The following TMEM120B variants were observed in gnomAD, a reference collection of about 807,000 sequenced individuals.
The protein encoded by TMEM120B is transmembrane protein 120B.
Under a neutral mutation model 55.5 loss-of-function variants are expected in TMEM120B, and 31 were observed. That is an observed-to-expected ratio of 0.56 (90% confidence interval 0.42 to 0.75). The LOEUF is 0.75. TMEM120B is among the 30% of genes least tolerant of loss of function. The pLI is 0.00. For synonymous variants in TMEM120B, 203 were observed against 176.3 expected, an observed-to-expected ratio of 1.15 and a Z score of -1.20; for missense variants, 399 against 425.5, an observed-to-expected ratio of 0.94 and a Z score of 0.55.
intron 1 of TMEM120B, among the ~76,000 whole-genome samples, chr12:121,729,249 C>T (rs1894952570): frequency 6.6e-6 from 1 of 152,228 alleles, no homozygotes. Flanking sequence ...TGCAGTGCCT[C>T]CGTTGGCTCA....
At chr12:121,745,754 G>A (rs925120637) in intron 2 of TMEM120B, among the ~76,000 whole-genome samples, 25 of 152,154 alleles carry the variant, frequency 1.6e-4, no homozygotes, top group Middle Eastern at 3.4e-3. Context: ...GCGCAATCAC[G>A]GCTCACCACA....
At chr12:121,771,606 C>T (rs1874055891) in intron 8 of TMEM120B, 57 bp downstream of exon 8, 20 of 1,523,888 alleles carry the variant, frequency 1.3e-5, no homozygotes, top group Non-Finnish European at 1.7e-5. Flanking sequence ...AGACTTTCAC[C>T]AAGGGAGGGC....
intron 1 of TMEM120B, among the ~76,000 whole-genome samples, chr12:121,718,217 C>T (rs558008899): frequency 1.4e-4 from 21 of 152,252 alleles, no homozygotes; most frequent in Middle Eastern, 3.4e-3. Flanking sequence ...GCGCAGTGGC[C>T]CATGCCTGTA....
intron 1 of TMEM120B, among the ~76,000 whole-genome samples, chr12:121,721,176 TC>T (rs1044026125): frequency 2.4e-4 from 37 of 152,168 alleles, no homozygotes; most frequent in African/African-American, 8.7e-4. Flanking sequence ...TGAGCAGTTC[TC>T]CTTTTTGTTG....
chr12:121,780,493 C>G lies in TMEM120B; in HGVS notation c.*4771C>G, dbSNP rs537222416. 2.1e-4 allele frequency: 76 copies of G among 369,174 alleles called. No homozygotes were observed. The highest frequency in any genetic ancestry group is 1.5e-3 in the African/African-American group (73 of 48,402). 22.9% of individuals were successfully genotyped at this position (369,174 alleles called of 1,614,324 possible). On this transcript the variant is annotated 3_prime_UTR_variant, in exon 12 of 12. Coordinates refer to ENST00000449592, the MANE Select transcript of TMEM120B (RefSeq NM_001080825.2). ...GGCCCGTGAAGGGGACGCCTACTTT[C>G]AAACAAGGCAGACAGGACACGACAG... is the stretch of plus-strand genomic sequence containing the variant.
intron 1 of TMEM120B, among the ~76,000 whole-genome samples, chr12:121,720,358 G>A (rs1894771398): frequency 2.0e-5 from 3 of 152,106 alleles, no homozygotes; most frequent in African/African-American, 7.2e-5. Context: ...ATGAGTCCTG[G>A]TTAAGTATAG....
Position 121,774,729 on chromosome 12 carries a change from C to T in TMEM120B, c.837+7C>T, listed in dbSNP as rs770789781. The T allele has an allele frequency of 1.1e-5, 18 of 1,613,490 alleles. No individual in the cohort carries two copies. The highest frequency in any genetic ancestry group is 1.4e-5 in the Non-Finnish European group (16 of 1,179,742). ...CTTCCTCTTCTGTGGCCATGTGAGT[C>T]CCCCTGGAGTTTGTGGGTATCTCCT... On this transcript the variant is annotated splice_region_variant and intron_variant, in intron 10 of 11. Coordinates refer to ENST00000449592, the MANE Select transcript of TMEM120B (RefSeq NM_001080825.2).
chr12:121,715,120 A>C (rs1481396561), intron 1 of TMEM120B, among the ~76,000 whole-genome samples: 1 of 151,904 alleles, frequency 6.6e-6, no homozygotes, highest in East Asian at 2.0e-4. Flanking sequence ...GGTGGATCAC[A>C]AGGTTTGGAG....
chr12:121,757,239 G>C (rs1192433008), intron 5 of TMEM120B, among the ~76,000 whole-genome samples: 7 of 151,890 alleles, frequency 4.6e-5, no homozygotes, highest in Non-Finnish European at 8.8e-5. Context: ...TCAGCTCACT[G>C]CAACCTCTGT....
Position 121,779,457 on chromosome 12 carries a change from C to T in TMEM120B, c.*3735C>T, listed in dbSNP as rs757945270. On this transcript the variant is annotated 3_prime_UTR_variant, in exon 12 of 12. Transcript: ENST00000449592. ...CTGGTGCAATCGGCACCTGGGCCCC[C>T]GGGCCCTGTCAGTGCTGTCGTGAGG... 2.5e-5 allele frequency: 40 copies of T among 1,597,368 alleles called. No individual in the cohort carries two copies. Among genetic ancestry groups the T allele is most frequent in the Admixed American group, 1.0e-4 (6 of 59,394 alleles).
intron 5 of TMEM120B, among the ~76,000 whole-genome samples, chr12:121,754,079 G>A (rs1012300663): frequency 2.0e-5 from 3 of 152,336 alleles, no homozygotes; most frequent in East Asian, 3.9e-4. Context: ...TGTGCCAAGC[G>A]TTTATTGCCT....
chr12:121,728,086 C>T (rs577938855), intron 1 of TMEM120B, among the ~76,000 whole-genome samples: 62 of 151,694 alleles, frequency 4.1e-4, no homozygotes, highest in Admixed American at 4.6e-4. Context: ...CGGTTCACTG[C>T]GCCCTCTGCC....
At position 121,770,832 on chromosome 12, in the gene TMEM120B, G is replaced by C. The variant is rs1190506605; in HGVS notation, c.552-75G>C. On this transcript the variant is annotated intron_variant, in intron 6 of 11. Transcript: ENST00000449592. The stretch of plus-strand genomic sequence containing the variant: ...AGTGCAGAGTAACCCCTGCTGCATA[G>C]GTGGGGCCTCAGCGAGACACATGCC... 15 of 1,378,048 alleles carry C rather than the reference G, an allele frequency of 1.1e-5. No homozygotes were observed. The East Asian group carries it at 3.5e-4, about 32-fold the overall frequency. The allele number at this position is 1,378,048 out of a possible 1,614,324, so 85.4% of individuals were successfully genotyped here.
chr12:121,742,513 A>G (rs1872961468), intron 1 of TMEM120B, among the ~76,000 whole-genome samples: 1 of 152,126 alleles, frequency 6.6e-6, no homozygotes, highest in Non-Finnish European at 1.5e-5. Context: ...CTCAAGACCC[A>G]TGTTGACCTT....
intron 3 of TMEM120B, among the ~76,000 whole-genome samples, chr12:121,748,694 A>C (rs56379201): frequency 0.087 from 13,273 of 152,166 alleles, 1,049 homozygotes; most frequent in African/African-American, 0.21. Context: ...ATGCCTGCTG[A>C]CACCTGGGGT....
rs1028536549 is a variant in TMEM120B at position 121,712,791 on chromosome 12, G to T, written c.-105G>T. 8.0e-6 allele frequency: 6 copies of T among 747,230 alleles called. No homozygotes were observed. The highest frequency in any genetic ancestry group is 9.3e-5 in the Admixed American group (2 of 21,528). The allele number at this position is 747,230 out of a possible 1,614,324, so 46.3% of individuals were successfully genotyped here. The stretch of plus-strand genomic sequence containing the variant: ...CTCTGGCTGCGCAGGAACAGCTGGT[G>T]CCTCCGAGGGCGGTCGGCGAGCGCG... On this transcript the variant is annotated 5_prime_UTR_variant, in exon 1 of 12. Transcript: ENST00000449592.
In TMEM120B at chr12:121,746,190, C is replaced by CT. The variant is rs71079090; in HGVS notation, c.189-2122dup. ...GTTGTTTTCTTAAACCGCCCCCCCACTTTTTTTTTTTTTTGAGACAGAGTT... is the reference window on the plus strand; with the variant it reads ...GTTGTTTTCTTAAACCGCCCCCCCACTTTTTTTTTTTTTTTGAGACAGAGTT... On this transcript the variant is annotated intron_variant, in intron 2 of 11. Coordinates refer to ENST00000449592, the MANE Select transcript of TMEM120B (RefSeq NM_001080825.2). 6.7e-3 allele frequency among the ~76,000 whole-genome samples: 810 copies of CT among 121,558 alleles called. 2 individuals are homozygous for CT. The highest frequency in any genetic ancestry group is 0.016 in the African/African-American group (453 of 29,126). 79.7% of individuals were successfully genotyped at this position (121,558 alleles called of 152,430 possible). A position where few individuals can be genotyped will look rare whatever the true frequency, so the allele number is the denominator to read the frequency against.
chr12:121,775,477 C>T lies in TMEM120B; in HGVS notation c.907-132C>T, dbSNP rs1592952034. The T allele has an allele frequency of 1.4e-6, 2 of 1,452,290 alleles. No homozygotes were observed. The highest frequency in any genetic ancestry group is 2.8e-5 in the African/African-American group (2 of 70,626). 90.0% of individuals were successfully genotyped at this position (1,452,290 alleles called of 1,614,324 possible). A position where few individuals can be genotyped will look rare whatever the true frequency, so the allele number is the denominator to read the frequency against. On this transcript the variant is annotated intron_variant, in intron 11 of 11. Transcript: ENST00000449592. The surrounding 1 kb of genome is among the most constrained non-coding windows in gnomAD (Gnocchi z 4.3). ...CACCCTTCCCCCAGGTCTCCTGAATCTCTGCCTTCGATGGCAAAACCCTGC... is the reference window on the plus strand; with the variant it reads ...CACCCTTCCCCCAGGTCTCCTGAATTTCTGCCTTCGATGGCAAAACCCTGC...
intron 3 of TMEM120B, among the ~76,000 whole-genome samples, chr12:121,749,867 C>T (rs552156039): frequency 6.7e-6 from 1 of 149,960 alleles, no homozygotes; most frequent in South Asian, 2.1e-4. Flanking sequence ...GATCGTGCCA[C>T]TGCAGTCCAG....
Sources: allele counts gnomAD v4.1 joint callset (sites outside exome capture counted in the v4.1 genomes callset), GRCh38; gene constraint gnomAD v4.1.1; non-coding constraint Gnocchi (gnomAD v3.1); transcripts MANE v1.5; gene names NCBI Gene and HGNC (gene_info 2026-07-23, HGNC 2026-07-21).